Variants in CA10 observed in about 807,000 individuals in gnomAD.
The protein encoded by CA10 is carbonic anhydrase-related protein 10.
CA10 carries 14 observed loss-of-function variants against 44.2 expected under a neutral mutation model. The observed-to-expected ratio is 0.32, with a 90% CI of 0.21 to 0.50. The LOEUF is 0.50. Ranked by LOEUF, CA10 falls within the 20% of genes least tolerant of loss-of-function variation. The pLI is 0.99. For missense variants in CA10, 350 were observed against 409.7 expected (o/e 0.85, Z 1.26); for synonymous variants, 159 against 141.6 (o/e 1.12, Z -0.87).
At chr17:52,047,363 C>A (rs1986941130) in intron 2 of CA10, among the ~76,000 whole-genome samples, 2 of 151,944 alleles carry the variant, frequency 1.3e-5, no homozygotes, top group African/African-American at 4.8e-5. Flanking sequence ...ATTACATATC[C>A]TGCTTTTACA....
At chr17:51,897,937 GTTGT>G (rs1376719317) in intron 3 of CA10, among the ~76,000 whole-genome samples, 5 of 152,132 alleles carry the variant, frequency 3.3e-5, no homozygotes, top group African/African-American at 1.2e-4. Flanking sequence ...CTCTGCTGAA[GTTGT>G]TTATCAGATC....
chr17:51,766,403 G>T (rs1905383883), intron 3 of CA10, among the ~76,000 whole-genome samples: 2 of 152,164 alleles, frequency 1.3e-5, no homozygotes, highest in Admixed American at 1.3e-4. Context: ...GGAAATACTG[G>T]TTTCACTAGC....
At chr17:51,761,461 T>C (rs1411544012) in intron 3 of CA10, 1 of 152,180 alleles carries the variant, frequency 6.6e-6, no homozygotes, top group Non-Finnish European at 1.5e-5. Flanking sequence ...TTTGGTTGAA[T>C]CTGAAAATCA....
intron 3 of CA10, among the ~76,000 whole-genome samples, chr17:51,857,462 C>G (rs1247618285): frequency 6.6e-6 from 1 of 152,162 alleles, no homozygotes; most frequent in Non-Finnish European, 1.5e-5. Context: ...ATGAAAAGTA[C>G]TGTCATTAGC....
chr17:51,846,976 G>T (rs1277683855), intron 3 of CA10, among the ~76,000 whole-genome samples: 1 of 152,178 alleles, frequency 6.6e-6, no homozygotes, highest in Non-Finnish European at 1.5e-5. Context: ...GCTGATAGTT[G>T]CCTGATGAGG....
intron 4 of CA10, among the ~76,000 whole-genome samples, chr17:51,725,894 G>T (rs143664707): frequency 4.6e-5 from 7 of 152,148 alleles, no homozygotes; most frequent in Admixed American, 4.6e-4. Context: ...AACTGTCTTG[G>T]GGGTGGGAAG....
chr17:51,887,001 T>C (rs1467747012), intron 3 of CA10, among the ~76,000 whole-genome samples: 1 of 152,164 alleles, frequency 6.6e-6, no homozygotes, highest in African/African-American at 2.4e-5. Flanking sequence ...GACTTGGGAC[T>C]GAATCACACC....
intron 8 of CA10, 48 bp downstream of exon 8, chr17:51,633,428 G>A: frequency 1.3e-6 from 2 of 1,551,514 alleles, no homozygotes; most frequent in Non-Finnish European, 1.8e-6. Flanking sequence ...TAAGCAGAAA[G>A]ACTGAGCTCT....
chr17:51,781,148 G>T (rs929903032), intron 3 of CA10, among the ~76,000 whole-genome samples: 1 of 152,114 alleles, frequency 6.6e-6, no homozygotes. Flanking sequence ...GATCAAGAAG[G>T]GACTCCAATG....
At chr17:51,958,190 T>C (rs1317013107) in intron 2 of CA10, among the ~76,000 whole-genome samples, 1 of 151,754 alleles carries the variant, frequency 6.6e-6, no homozygotes, top group Non-Finnish European at 1.5e-5. Flanking sequence ...ATTAGAGTAG[T>C]CAACAGATAG....
At chr17:51,992,328 C>T (rs1985070499) in intron 2 of CA10, among the ~76,000 whole-genome samples, 1 of 152,120 alleles carries the variant, frequency 6.6e-6, no homozygotes, top group Non-Finnish European at 1.5e-5. Flanking sequence ...TCATCACCAT[C>T]ATTGTTATCC....
chr17:51,717,702 T>C (rs1203427932), intron 4 of CA10, among the ~76,000 whole-genome samples: 2 of 65,582 alleles, frequency 3.0e-5, no homozygotes, highest in African/African-American at 9.5e-5. Context: ...TATATGCATG[T>C]ATATATACAT....
intron 3 of CA10, among the ~76,000 whole-genome samples, chr17:51,898,659 G>A (rs117175056): frequency 6.6e-6 from 1 of 152,176 alleles, no homozygotes; most frequent in Non-Finnish European, 1.5e-5. Context: ...GTAGAATTTG[G>A]CTGTGAATTC....
At chr17:51,969,481 T>C (rs1311256553) in intron 2 of CA10, among the ~76,000 whole-genome samples, 3 of 152,036 alleles carry the variant, frequency 2.0e-5, no homozygotes, top group Admixed American at 6.6e-5. Flanking sequence ...TTTCCCTTAA[T>C]AGTTTTTCAA....
At chr17:51,655,920 G>A (rs1020714023) in intron 4 of CA10, among the ~76,000 whole-genome samples, 5 of 152,190 alleles carry the variant, frequency 3.3e-5, no homozygotes, top group East Asian at 3.8e-4. Context: ...AAAGGCAACC[G>A]CAGGCCAGGC....
intron 6 of CA10, among the ~76,000 whole-genome samples, chr17:51,642,935 G>A (rs540336311): frequency 1.3e-5 from 2 of 152,120 alleles, no homozygotes; most frequent in African/African-American, 2.4e-5. Context: ...GAGTCAACAC[G>A]CCCAGCCACC....
At chr17:51,638,891 T>C (rs748328690) in intron 6 of CA10, among the ~76,000 whole-genome samples, 8 of 151,946 alleles carry the variant, frequency 5.3e-5, no homozygotes, top group Non-Finnish European at 8.8e-5. Flanking sequence ...AGAGCAATGC[T>C]AGAAAAAGAG....
intron 2 of CA10, among the ~76,000 whole-genome samples, chr17:52,009,324 A>G (rs2144132216): frequency 6.6e-6 from 1 of 152,112 alleles, no homozygotes; most frequent in South Asian, 2.1e-4. Context: ...TTTGTTCTAT[A>G]CAAAGCAAAA....
intron 2 of CA10, 83 bp downstream of exon 2, chr17:52,072,236 T>C: frequency 2.1e-6 from 2 of 971,842 alleles, no homozygotes; most frequent in South Asian, 1.5e-5. Context: ...CCTCACCTTT[T>C]GCAATGTAAA....
Sources: gnomAD v4.1 joint callset for allele counts (sites outside exome capture counted in the v4.1 genomes callset) on GRCh38, gnomAD v4.1.1 for gene constraint, MANE v1.5 for transcripts, NCBI Gene and HGNC (gene_info 2026-07-23, HGNC 2026-07-21) for gene names.